ZMIZ1: variants seen among roughly 807,000 people sequenced by gnomAD.
ZMIZ1 encodes the protein zinc finger MIZ domain-containing protein 1.
Under a neutral mutation model 113.9 loss-of-function variants are expected in ZMIZ1, and 17 were observed. The observed-to-expected ratio is 0.15, with a 90% confidence interval of 0.10 to 0.22. The LOEUF (loss-of-function observed/expected upper bound fraction) is 0.22, where lower values mean the gene tolerates loss of function less well. Among genes scored for constraint, ZMIZ1 ranks in the 10% least tolerant of loss-of-function variants. The pLI is 1.00. For synonymous variants in ZMIZ1, 607 were observed against 603.1 expected (o/e 1.01, Z -0.09); for missense variants, 1,059 against 1,477.8 (o/e 0.72, Z 4.65).
At chr10:79,170,347 T>C (rs746350612) in intron 4 of ZMIZ1, among the ~76,000 whole-genome samples, 22 of 152,208 alleles carry the variant, frequency 1.4e-4, no homozygotes, top group Non-Finnish European at 3.2e-4. Context: ...AGACATTCCC[T>C]GATGTCCCCT....
Position 79,297,616 on chromosome 10 carries a change from G to A in ZMIZ1, c.1417G>A (p.Glu473Lys), listed in dbSNP as rs1226691869. Residue 473 changes from glutamate (E) to lysine (K), a missense_variant, in exon 14 of 25, where the codon GAA (glutamate) becomes AAA (lysine). This residue lies in a region of ZMIZ1 where 239 missense variants were observed against 247.5 expected (regional missense o/e 0.97). Coordinates refer to ENST00000334512, the MANE Select transcript of ZMIZ1 (RefSeq NM_020338.4). ...GTTGTTTATCTTGTTTTAATAGCCA[G>A]AACAGTTTAATGGACAAAATAACAC... The part of the protein sequence containing the change: ...TVNMGQYYKP[E>K]QFNGQNNTFS... The A allele has an allele frequency of 5.0e-6, 8 of 1,614,006 alleles. No homozygotes were observed. The highest frequency in any genetic ancestry group is 6.8e-6 in the Non-Finnish European group (8 of 1,179,926).
chr10:79,269,489 A>ACACACT (rs1306206360), intron 7 of ZMIZ1, among the ~76,000 whole-genome samples: 4 of 147,084 alleles, frequency 2.7e-5, no homozygotes, highest in Non-Finnish European at 6.0e-5. Flanking sequence ...ACACACACAC[A>ACACACT]CTTTCTCTGT....
chr10:79,162,692 G>A (rs989957549), intron 4 of ZMIZ1, among the ~76,000 whole-genome samples: 17 of 152,254 alleles, frequency 1.1e-4, no homozygotes, highest in Non-Finnish European at 1.9e-4. Context: ...CTCCACTCTC[G>A]CAGTGAGGAG....
chr10:79,287,247 T>A (rs755743863), intron 8 of ZMIZ1, among the ~76,000 whole-genome samples: 6 of 152,326 alleles, frequency 3.9e-5, no homozygotes, highest in Non-Finnish European at 8.8e-5. Flanking sequence ...GGCTCATGGC[T>A]ACTTTCCTGT....
At chr10:79,237,509 T>C (rs1849641801) in intron 7 of ZMIZ1, among the ~76,000 whole-genome samples, 1 of 152,150 alleles carries the variant, frequency 6.6e-6, no homozygotes. Context: ...CTCAGAAGGC[T>C]CTAGGGAAGG....
At chr10:79,238,419 T>TGGAG (rs1849684364) in intron 7 of ZMIZ1, among the ~76,000 whole-genome samples, 1 of 152,176 alleles carries the variant, frequency 6.6e-6, no homozygotes, top group South Asian at 2.1e-4. Flanking sequence ...CTAAGAGGCA[T>TGGAG]GGAGGTCTCA....
chr10:79,273,866 G>A (rs1013587733), intron 7 of ZMIZ1, among the ~76,000 whole-genome samples: 2 of 152,252 alleles, frequency 1.3e-5, no homozygotes, highest in South Asian at 2.1e-4. Context: ...TGATGTGTAC[G>A]TGGGCCTCCC....
At chr10:79,127,334 G>A (rs559499790) in intron 2 of ZMIZ1, among the ~76,000 whole-genome samples, 155 of 152,282 alleles carry the variant, frequency 1.0e-3, no homozygotes, top group African/African-American at 3.6e-3. Context: ...TCTCCTATCA[G>A]CAGAGCGCCA....
chr10:79,219,315 G>C (rs960653212), intron 7 of ZMIZ1, among the ~76,000 whole-genome samples: 2 of 152,220 alleles, frequency 1.3e-5, no homozygotes, highest in African/African-American at 2.4e-5. Flanking sequence ...CTGCTGGCAC[G>C]TGCTGGGTGT....
At chr10:79,156,638 T>C (rs1845912251) in intron 3 of ZMIZ1, among the ~76,000 whole-genome samples, 1 of 152,190 alleles carries the variant, frequency 6.6e-6, no homozygotes, top group Non-Finnish European at 1.5e-5. Flanking sequence ...AGACAGTGCC[T>C]ACTGTCTGCT....
At chr10:79,125,277 G>A (rs775544496) in intron 2 of ZMIZ1, among the ~76,000 whole-genome samples, 8 of 152,330 alleles carry the variant, frequency 5.3e-5, no homozygotes, top group South Asian at 2.1e-4. Context: ...TGGGGCAGGC[G>A]TTGCTCAGTG....
chr10:79,173,829 C>A (rs1846705172), intron 4 of ZMIZ1, among the ~76,000 whole-genome samples: 1 of 152,168 alleles, frequency 6.6e-6, no homozygotes, highest in Non-Finnish European at 1.5e-5. Context: ...GATCACACAG[C>A]CACTGGGAGG....
chr10:79,251,265 C>T (rs996549424), intron 7 of ZMIZ1, among the ~76,000 whole-genome samples: 16 of 152,184 alleles, frequency 1.1e-4, no homozygotes, highest in Admixed American at 8.5e-4. Flanking sequence ...GCCTCAGTTT[C>T]CTCATCTGTA....
chr10:79,307,280 T>G, intron 22 of ZMIZ1, 125 bp from the exon 23 acceptor site: 2 of 952,810 alleles, frequency 2.1e-6, no homozygotes, highest in Non-Finnish European at 3.2e-6. Flanking sequence ...CGGGCTGCTG[T>G]GACCTACTAC....
At chr10:79,121,591 C>T (rs545517823) in intron 2 of ZMIZ1, among the ~76,000 whole-genome samples, 4 of 152,326 alleles carry the variant, frequency 2.6e-5, no homozygotes, top group Admixed American at 6.5e-5. Flanking sequence ...CTCTGGGGTA[C>T]CCAAGAGGCT....
chr10:79,233,137 C>T (rs551026318), intron 7 of ZMIZ1, among the ~76,000 whole-genome samples: 1 of 152,332 alleles, frequency 6.6e-6, no homozygotes, highest in East Asian at 1.9e-4. Context: ...TGTGGGCTCC[C>T]CTTGTTGAGG....
At chr10:79,243,397 C>T (rs1223924030) in intron 7 of ZMIZ1, among the ~76,000 whole-genome samples, 9 of 149,552 alleles carry the variant, frequency 6.0e-5, no homozygotes, top group Admixed American at 4.6e-4. Context: ...CTATGATTGG[C>T]TTCGCCCGGG....
At chr10:79,113,194 G>T (rs960548474) in intron 1 of ZMIZ1, among the ~76,000 whole-genome samples, 2 of 152,210 alleles carry the variant, frequency 1.3e-5, no homozygotes, top group African/African-American at 2.4e-5. Flanking sequence ...TCAGATGTCT[G>T]CTGGCTCCCA....
At chr10:79,148,001 A>G (rs1845563074) in intron 3 of ZMIZ1, among the ~76,000 whole-genome samples, 1 of 152,176 alleles carries the variant, frequency 6.6e-6, no homozygotes, top group Non-Finnish European at 1.5e-5. Context: ...GTCAGCCTGC[A>G]TACTGTGTCT....
Sources: allele counts gnomAD v4.1 joint callset (sites outside exome capture counted in the v4.1 genomes callset), GRCh38; gene constraint gnomAD v4.1.1; regional missense constraint gnomAD v4.1.1; transcripts MANE v1.5; gene names NCBI Gene and HGNC (gene_info 2026-07-23, HGNC 2026-07-21).